Variants in TRIM5 observed in about 807,000 individuals in gnomAD.
The protein encoded by TRIM5 is tripartite motif containing 5.
In TRIM5, 31 loss-of-function variants were observed where a neutral mutation model predicts 35.6. The observed-to-expected ratio is 0.87, with a 90% confidence interval of 0.65 to 1.18. TRIM5 has a LOEUF of 1.18. Ranked by LOEUF, TRIM5 falls within the 50% of genes most tolerant of loss-of-function variation. The pLI, the probability that TRIM5 is intolerant of heterozygous loss-of-function variation, is 0.00. For missense variants in TRIM5, 609 were observed against 591.6 expected (o/e 1.03, Z -0.31); for synonymous variants, 243 against 215.6 (o/e 1.13, Z -1.11).
chr11:5,661,629 A>G (rs918629611), downstream of TRIM5, among the ~76,000 whole-genome samples: 2 of 152,188 alleles, frequency 1.3e-5, no homozygotes, highest in Non-Finnish European at 2.9e-5. Flanking sequence ...ATTGTTACTC[A>G]GAGGTTCAGA....
chr11:5,650,042 C>T, the TRIM5 span, among the ~76,000 whole-genome samples: 1 of 152,092 alleles, frequency 6.6e-6, no homozygotes, highest in Non-Finnish European at 1.5e-5. Flanking sequence ...GAAGTGAGTT[C>T]CTTGATTGGA....
chr11:5,671,166 T>C (rs1851560128), intron 4 of TRIM5, among the ~76,000 whole-genome samples: 1 of 152,002 alleles, frequency 6.6e-6, no homozygotes, highest in Admixed American at 6.6e-5. Context: ...GTCGAGGCTA[T>C]AGTGAGTCAA....
chr11:5,674,690 C>T (rs1195977413), intron 4 of TRIM5, among the ~76,000 whole-genome samples: 2 of 152,236 alleles, frequency 1.3e-5, no homozygotes, highest in Non-Finnish European at 2.9e-5. Context: ...AGGTTGCCCT[C>T]AGTGGTAGGA....
At chr11:5,677,265 C>T (rs996010519) in intron 4 of TRIM5, among the ~76,000 whole-genome samples, 6 of 151,966 alleles carry the variant, frequency 3.9e-5, no homozygotes, top group African/African-American at 1.4e-4. Context: ...AAGAAAAAAA[C>T]AAACAACCCC....
the TRIM5 span, among the ~76,000 whole-genome samples, chr11:5,600,017 T>C: frequency 6.6e-6 from 1 of 152,188 alleles, no homozygotes; most frequent in Non-Finnish European, 1.5e-5. Flanking sequence ...AATAGTGCAG[T>C]TCCCACAGGT....
chr11:5,644,155 A>C, the TRIM5 span: 1 of 400,178 alleles, frequency 2.5e-6, no homozygotes, highest in African/African-American at 2.1e-5. Context: ...AGGAGAGGAA[A>C]ATATGAGCAA....
the TRIM5 span, among the ~76,000 whole-genome samples, chr11:5,601,128 C>G: frequency 6.6e-6 from 1 of 152,182 alleles, no homozygotes; most frequent in African/African-American, 2.4e-5. Flanking sequence ...TTAAGACAGG[C>G]CCTGGCAAAA....
the TRIM5 span, chr11:5,643,060 A>G: frequency 4.7e-6 from 6 of 1,279,378 alleles, no homozygotes; most frequent in Non-Finnish European, 6.2e-6. Flanking sequence ...AGATAAACCT[A>G]CTCCATATCT....
rs1852305939 is a variant in TRIM5 at position 5,679,996 on chromosome 11, C to G, written c.182G>C (p.Ser61Thr). The change falls in exon 2 of 8, where the codon AGT becomes ACT. Residue 61 changes from serine (S) to threonine (T), a missense_variant. Coordinates refer to ENST00000380034, the MANE Select transcript of TRIM5 (RefSeq NM_033034.3). ...GESSCPVCRISYQPENIRPNR... is the reference protein window; with the variant it reads ...GESSCPVCRITYQPENIRPNR... ...AGGCCGTATGTTCTCAGGCTGGTAA[C>G]TGATCCGGCACACAGGGCAGCTACT... is the stretch of plus-strand genomic sequence containing the variant. 1 of 1,614,158 alleles carries G rather than the reference C, an allele frequency of 6.2e-7. No individual in the cohort carries two copies. The highest frequency in any genetic ancestry group is 8.5e-7 in the Non-Finnish European group (1 of 1,180,006).
the TRIM5 span, among the ~76,000 whole-genome samples, chr11:5,609,479 A>T: frequency 6.6e-6 from 1 of 152,268 alleles, no homozygotes; most frequent in Admixed American, 6.5e-5. Context: ...AACCCCTCTG[A>T]TTTTAAATAT....
chr11:5,674,856 G>C (rs1851825105), intron 4 of TRIM5, among the ~76,000 whole-genome samples: 1 of 152,234 alleles, frequency 6.6e-6, no homozygotes, highest in African/African-American at 2.4e-5. Context: ...GCTCATAAAA[G>C]TAGAGAGTGG....
At chr11:5,651,254 T>A in the TRIM5 span, among the ~76,000 whole-genome samples, 1 of 152,226 alleles carries the variant, frequency 6.6e-6, no homozygotes. Context: ...TGCAGTTTTT[T>A]AATTAATTTA....
chr11:5,684,395 A>G lies in TRIM5; in HGVS notation c.-62+473T>C, dbSNP rs7948729. 1.9e-3 allele frequency among the ~76,000 whole-genome samples: 269 copies of G among 138,378 alleles called. 1 individual carries two copies. Among genetic ancestry groups the G allele is most frequent in the African/African-American group, 6.6e-3 (244 of 37,118 alleles). The allele number at this position is 138,378 out of a possible 152,430, so 90.8% of individuals were successfully genotyped here. On this transcript the variant is annotated intron_variant, in intron 1 of 7. Transcript: ENST00000380034. ...TTTTCCCATTATCTTTGTAACCAAT[A>G]TGAACTAGGGAAAGAACTCCATTTA...
chr11:5,623,587 A>C, the TRIM5 span, among the ~76,000 whole-genome samples: 1 of 131,126 alleles, frequency 7.6e-6, no homozygotes, highest in Non-Finnish European at 1.6e-5. Flanking sequence ...TCACCATGTT[A>C]GCCAGGGTGG....
chr11:5,673,221 T>C (rs1851703259), intron 4 of TRIM5, among the ~76,000 whole-genome samples: 1 of 151,944 alleles, frequency 6.6e-6, no homozygotes, highest in Non-Finnish European at 1.5e-5. Context: ...AAACCCAAAG[T>C]AGAAATAAAA....
At chr11:5,655,062 G>A in the TRIM5 span, among the ~76,000 whole-genome samples, 4 of 151,832 alleles carry the variant, frequency 2.6e-5, no homozygotes, top group Non-Finnish European at 4.4e-5. Flanking sequence ...GCGTGGTGGC[G>A]GGCACCTGTA....
chr11:5,669,589 T>A (rs1364988976), intron 4 of TRIM5, among the ~76,000 whole-genome samples: 13 of 152,362 alleles, frequency 8.5e-5, no homozygotes, highest in Non-Finnish European at 1.5e-5. Context: ...AGTACTTTTA[T>A]GTTGTATGTA....
At position 5,665,037 on chromosome 11, in the gene TRIM5, G is replaced by A. The variant is rs200373739; in HGVS notation, c.1254C>T (p.Phe418=). 1.2e-5 allele frequency: 19 copies of A among 1,614,060 alleles called. No homozygotes were observed. The highest frequency in any genetic ancestry group is 8.0e-5 in the African/African-American group (6 of 75,006). The change falls in exon 8 of 8, where the codon TTC becomes TTT. Residue 418 remains phenylalanine (F), a synonymous_variant. Transcript: ENST00000380034. Reference sequence around the variant, plus strand: ...CAATGAAAGGAACAGAAGGAGTATGGAAGGAACTATCCTGGAAAGCACTAC... The same window carrying A: ...CAATGAAAGGAACAGAAGGAGTATGAAAGGAACTATCCTGGAAAGCACTAC... ...VKCSAFQDSS[F]HTPSVPFIVP...
At chr11:5,648,910 CAAAAATAA>C in the TRIM5 span, among the ~76,000 whole-genome samples, 1 of 152,084 alleles carries the variant, frequency 6.6e-6, no homozygotes, top group African/African-American at 2.4e-5. Flanking sequence ...TTCAAAGAAT[CAAAAATAA>C]ATAAAAAGTT....
Sources: gnomAD v4.1 joint callset for allele counts (sites outside exome capture counted in the v4.1 genomes callset) on GRCh38, gnomAD v4.1.1 for gene constraint, MANE v1.5 for transcripts, NCBI Gene and HGNC (gene_info 2026-07-23, HGNC 2026-07-21) for gene names.